The following SH3GL1 variants were observed in gnomAD, a reference collection of about 807,000 sequenced individuals.
SH3GL1 encodes SH3 domain containing GRB2 like 1, endophilin A2, also known as endophilin-A2.
SH3GL1 carries 21 observed loss-of-function variants against 48.8 expected under a neutral mutation model. The ratio of observed to expected loss-of-function variants is 0.43; its 90% CI spans 0.30 to 0.62. SH3GL1 has a LOEUF of 0.62. Ranked by LOEUF, SH3GL1 falls within the 20% of genes least tolerant of loss-of-function variation. The pLI, the probability that SH3GL1 is intolerant of heterozygous loss-of-function variation, is 0.11. For missense variants in SH3GL1, 454 were observed against 503.0 expected (o/e 0.90, Z 0.93); for synonymous variants, 282 against 217.5 (o/e 1.30, Z -2.61).
At chr19:4,363,218 C>T (rs567403850) in intron 7 of SH3GL1, 152 bp downstream of exon 7, 133 of 661,244 alleles carry the variant, frequency 2.0e-4, no homozygotes, top group African/African-American at 9.4e-4. Context: ...TCTGACCTCG[C>T]GGCCCCCCAG....
chr19:4,369,256 T>C (rs1156814783), intron 1 of SH3GL1, among the ~76,000 whole-genome samples: 1 of 152,170 alleles, frequency 6.6e-6, no homozygotes, highest in Non-Finnish European at 1.5e-5. Context: ...GGCGTTCCAC[T>C]CTATTTCCTG....
At chr19:4,384,689 C>T (rs1220599508) in intron 1 of SH3GL1, among the ~76,000 whole-genome samples, 3 of 152,172 alleles carry the variant, frequency 2.0e-5, no homozygotes, top group African/African-American at 7.2e-5. Context: ...CTCTAAATGT[C>T]CACTGGCTGG....
chr19:4,363,962 A>C, intron 5 of SH3GL1, 84 bp from the exon 6 acceptor site: 1 of 1,605,030 alleles, frequency 6.2e-7, no homozygotes, highest in Non-Finnish European at 8.5e-7. Context: ...TCCCTGCACC[A>C]CTGGGGATCC....
intron 1 of SH3GL1, chr19:4,396,016 G>A (rs1228301251): frequency 6.6e-6 from 1 of 151,922 alleles, no homozygotes; most frequent in Non-Finnish European, 1.5e-5. Flanking sequence ...TAAAAAAGAA[G>A]CCCAGATACT....
At chr19:4,370,896 G>A (rs1414106964) in intron 1 of SH3GL1, among the ~76,000 whole-genome samples, 2 of 152,264 alleles carry the variant, frequency 1.3e-5, no homozygotes, top group Non-Finnish European at 2.9e-5. Context: ...CTTCCCCAGG[G>A]TTTGGCAAGA....
intron 1 of SH3GL1, among the ~76,000 whole-genome samples, chr19:4,371,216 C>G (rs1014106962): frequency 6.6e-6 from 1 of 152,248 alleles, no homozygotes; most frequent in Non-Finnish European, 1.5e-5. Context: ...ACACACAGAA[C>G]AGAGAATACA....
At chr19:4,377,402 C>T (rs1281523698) in intron 1 of SH3GL1, among the ~76,000 whole-genome samples, 1 of 152,258 alleles carries the variant, frequency 6.6e-6, no homozygotes, top group Non-Finnish European at 1.5e-5. Flanking sequence ...TGTGCCTTCA[C>T]CTGTCTCCTC....
intron 1 of SH3GL1, among the ~76,000 whole-genome samples, chr19:4,392,856 C>A (rs1029763987): frequency 6.6e-6 from 1 of 151,768 alleles, no homozygotes; most frequent in African/African-American, 2.4e-5. Flanking sequence ...GCAGGAGAAT[C>A]GCTTGAACTG....
In SH3GL1 at chr19:4,383,487, G is replaced by A. The variant is rs544706852; in HGVS notation, c.46-16493C>T. Among the ~76,000 whole-genome samples, 42 of 152,166 alleles carry A rather than the reference G, an allele frequency of 2.8e-4. No individual in the cohort carries two copies. In the South Asian group the frequency reaches 5.2e-3, roughly 19 times the overall value. On this transcript the variant is annotated intron_variant, in intron 1 of 9. Coordinates refer to ENST00000269886, the MANE Select transcript of SH3GL1 (RefSeq NM_003025.4). ...AGGCTCAAGCCATCCTCCTGCCTCA[G>A]CCTTCCAAAGTGCTGGGTGACAGGC...
rs1259741959 is a variant in SH3GL1 at position 4,381,360 on chromosome 19, TCTGC to T, written c.46-14370_46-14367del. ...GTCCCCTCTGCCTCTCTCTGTCCCCTCTGCCTGTCTCCCATCTGTCCCCTCTGCC... is the reference window on the plus strand; with the variant it reads ...GTCCCCTCTGCCTCTCTCTGTCCCCTCTGTCTCCCATCTGTCCCCTCTGCC... On this transcript the variant is annotated intron_variant, in intron 1 of 9. Transcript: ENST00000269886. Among the ~76,000 whole-genome samples, 15 of 110,096 alleles carry T rather than the reference TCTGC, an allele frequency of 1.4e-4. No homozygotes were observed. In the South Asian group the frequency reaches 4.2e-3, roughly 31 times the overall value. 72.2% of individuals were successfully genotyped at this position (110,096 alleles called of 152,430 possible). A position where few individuals can be genotyped will look rare whatever the true frequency, so the allele number is the denominator to read the frequency against.
chr19:4,362,222 G>GC (rs1972637254), intron 9 of SH3GL1, 107 bp downstream of exon 9: 1 of 1,166,290 alleles, frequency 8.6e-7, no homozygotes, highest in South Asian at 1.3e-5. Context: ...CACGAGCCTG[G>GC]CCCCTCCCTG....
chr19:4,392,689 G>A (rs994241012), intron 1 of SH3GL1, among the ~76,000 whole-genome samples: 1 of 152,176 alleles, frequency 6.6e-6, no homozygotes, highest in Non-Finnish European at 1.5e-5. Flanking sequence ...GCTCAGGCCT[G>A]TAATCCCAGC....
At chr19:4,381,083 G>A (rs371118520) in intron 1 of SH3GL1, among the ~76,000 whole-genome samples, 3 of 77,174 alleles carry the variant, frequency 3.9e-5, no homozygotes, top group African/African-American at 1.3e-4. Context: ...GCCTCTCTCT[G>A]TCCCCTCTCT....
chr19:4,387,011 A>C (rs1326223242), intron 1 of SH3GL1, among the ~76,000 whole-genome samples: 1 of 151,922 alleles, frequency 6.6e-6, no homozygotes, highest in Non-Finnish European at 1.5e-5. Flanking sequence ...ATCTTGGCTC[A>C]CTGCAAGCTC....
chr19:4,400,333 C>T lies in SH3GL1; in HGVS notation c.36G>A (p.Lys12=). 6.3e-7 allele frequency: 1 copy of T among 1,597,816 alleles called. No individual in the cohort carries two copies. Among genetic ancestry groups the T allele is most frequent in the Non-Finnish European group, 8.5e-7 (1 of 1,175,322 alleles). Residue 12 remains lysine (K), a synonymous_variant, in exon 1 of 10, where the codon AAG becomes AAA. Coordinates refer to ENST00000269886, the MANE Select transcript of SH3GL1 (RefSeq NM_003025.4). The surrounding 1 kb of genome is among the most constrained non-coding windows in gnomAD (Gnocchi z 4.1). ...SVAGLKKQFY[K]ASQLVSEKVG... ...CTGGGCCTGCGCTCACCTGGCTCGCCTTGTAGAACTGCTTCTTCAGCCCCG... is the reference window on the plus strand; with the variant it reads ...CTGGGCCTGCGCTCACCTGGCTCGCTTTGTAGAACTGCTTCTTCAGCCCCG...
chr19:4,378,734 A>C (rs1973061910), intron 1 of SH3GL1, among the ~76,000 whole-genome samples: 1 of 152,126 alleles, frequency 6.6e-6, no homozygotes, highest in African/African-American at 2.4e-5. Flanking sequence ...AATAAAAAAA[A>C]CAGAAACCAT....
At chr19:4,366,782 C>T (rs1260812020) in intron 2 of SH3GL1, 144 bp downstream of exon 2, 12 of 946,454 alleles carry the variant, frequency 1.3e-5, no homozygotes, top group African/African-American at 6.4e-5. Flanking sequence ...TGACGAGGCC[C>T]CCACACCACC....
At chr19:4,366,775 C>T (rs993343840) in intron 2 of SH3GL1, 151 bp downstream of exon 2, 40 of 925,994 alleles carry the variant, frequency 4.3e-5, no homozygotes, top group Admixed American at 1.2e-4. Flanking sequence ...GTCCAGCTGA[C>T]GAGGCCCCCA....
chr19:4,362,315 C>T lies in SH3GL1; in HGVS notation c.910+14G>A, dbSNP rs750043023. 6.2e-7 allele frequency: 1 copy of T among 1,609,810 alleles called. No homozygotes were observed. Among genetic ancestry groups the T allele is most frequent in the Admixed American group, 1.7e-5 (1 of 59,534 alleles). The stretch of plus-strand genomic sequence containing the variant: ...AGGCAGCACTGAGGTCGAGGCGGGC[C>T]TGGGAACACTCACGCATGCTCCGGC... On this transcript the variant is annotated intron_variant, in intron 9 of 9. Transcript: ENST00000269886.
Sources: allele counts gnomAD v4.1 joint callset (sites outside exome capture counted in the v4.1 genomes callset), GRCh38; gene constraint gnomAD v4.1.1; non-coding constraint Gnocchi (gnomAD v3.1); transcripts MANE v1.5; gene names NCBI Gene and HGNC (gene_info 2026-07-23, HGNC 2026-07-21).